CSNK2A2IP: variants seen among roughly 807,000 people sequenced by gnomAD.
CSNK2A2IP encodes the protein casein kinase II subunit alpha'-interacting protein.
At chr3:88,401,114 T>C in the CSNK2A2IP span, among the ~76,000 whole-genome samples, 3 of 152,216 alleles carry the variant, frequency 2.0e-5, no homozygotes, top group African/African-American at 7.2e-5. Context: ...ATATAATTTG[T>C]CTTCAAATAT....
chr3:88,465,726 G>A, the CSNK2A2IP span: 1 of 1,231,628 alleles, frequency 8.1e-7, no homozygotes, highest in Non-Finnish European at 1.0e-6. Context: ...CTCATTTGTT[G>A]CACTCCAAAG....
At chr3:88,374,243 A>G in the CSNK2A2IP span, among the ~76,000 whole-genome samples, 1 of 151,664 alleles carries the variant, frequency 6.6e-6, no homozygotes, top group Non-Finnish European at 1.5e-5. Flanking sequence ...CTAAGGACAT[A>G]TTTTGGAGGA....
chr3:88,430,406 T>C, the CSNK2A2IP span, among the ~76,000 whole-genome samples: 9 of 152,128 alleles, frequency 5.9e-5, no homozygotes, highest in Non-Finnish European at 2.9e-5. Flanking sequence ...TGAGCATTTA[T>C]ATATTTTCAT....
At chr3:88,434,986 C>T in the CSNK2A2IP span, among the ~76,000 whole-genome samples, 5 of 152,150 alleles carry the variant, frequency 3.3e-5, no homozygotes, top group Admixed American at 6.6e-5. Context: ...CCCCTGCCCC[C>T]GCAAAGGCTC....
At chr3:88,400,682 A>G in the CSNK2A2IP span, among the ~76,000 whole-genome samples, 1 of 152,202 alleles carries the variant, frequency 6.6e-6, no homozygotes, top group East Asian at 1.9e-4. Flanking sequence ...CAAACTAGGA[A>G]TTATAGGTGG....
At chr3:88,410,260 C>T in the CSNK2A2IP span, among the ~76,000 whole-genome samples, 1 of 151,972 alleles carries the variant, frequency 6.6e-6, no homozygotes, top group South Asian at 2.1e-4. Flanking sequence ...TGAAGATGAC[C>T]CACCTCCACA....
At chr3:88,442,857 T>C in the CSNK2A2IP span, among the ~76,000 whole-genome samples, 2 of 151,922 alleles carry the variant, frequency 1.3e-5, no homozygotes, top group East Asian at 3.8e-4. Context: ...TTATGTCCCT[T>C]AATATAAAGA....
the CSNK2A2IP span, among the ~76,000 whole-genome samples, chr3:88,345,935 C>A: frequency 1.3e-5 from 2 of 151,868 alleles, no homozygotes; most frequent in African/African-American, 4.8e-5. Context: ...CAGCAAACAG[C>A]CAACTGGAGA....
At chr3:88,451,305 T>C in the CSNK2A2IP span, among the ~76,000 whole-genome samples, 1 of 152,058 alleles carries the variant, frequency 6.6e-6, no homozygotes, top group African/African-American at 2.4e-5. Flanking sequence ...ATTATAGTGG[T>C]TTTAATTTGC....
At chr3:88,358,526 T>G in the CSNK2A2IP span, among the ~76,000 whole-genome samples, 1 of 118,484 alleles carries the variant, frequency 8.4e-6, no homozygotes, top group African/African-American at 2.6e-5. Flanking sequence ...TGTTGTGAGC[T>G]GTTTTTTTTT....
the CSNK2A2IP span, among the ~76,000 whole-genome samples, chr3:88,355,937 T>C: frequency 6.6e-6 from 1 of 152,150 alleles, no homozygotes; most frequent in South Asian, 2.1e-4. Flanking sequence ...CGATGCTCTT[T>C]AATTTTTTTA....
At chr3:88,402,798 G>T in the CSNK2A2IP span, among the ~76,000 whole-genome samples, 1 of 151,990 alleles carries the variant, frequency 6.6e-6, no homozygotes, top group African/African-American at 2.4e-5. Flanking sequence ...AGAATGTAAG[G>T]GGGATGATTG....
chr3:88,428,532 C>T, the CSNK2A2IP span, among the ~76,000 whole-genome samples: 309 of 152,158 alleles, frequency 2.0e-3, 1 homozygote, highest in African/African-American at 6.8e-3. Context: ...CCACATGTTG[C>T]GGGAGGGACT....
At chr3:88,406,165 A>G in the CSNK2A2IP span, among the ~76,000 whole-genome samples, 38 of 152,302 alleles carry the variant, frequency 2.5e-4, no homozygotes, top group Non-Finnish European at 3.7e-4. Flanking sequence ...TTCAAGATAT[A>G]AAAATGCTAA....
the CSNK2A2IP span, among the ~76,000 whole-genome samples, chr3:88,376,479 A>G: frequency 1.3e-5 from 2 of 151,688 alleles, no homozygotes; most frequent in African/African-American, 4.8e-5. Context: ...CTTTTCTTCT[A>G]AGAGAAAAAT....
the CSNK2A2IP span, among the ~76,000 whole-genome samples, chr3:88,437,689 TACTGTCATTAAGG>T: frequency 0.36 from 54,390 of 151,724 alleles, 10,948 homozygotes; most frequent in Non-Finnish European, 0.47. Context: ...GAAATTTAAT[TACTGTCATTAAGG>T]ACTGATTGTT....
At chr3:88,386,008 G>T in the CSNK2A2IP span, among the ~76,000 whole-genome samples, 1 of 152,196 alleles carries the variant, frequency 6.6e-6, no homozygotes, top group Non-Finnish European at 1.5e-5. Flanking sequence ...TGGAAAATAT[G>T]TGAAATATAA....
the CSNK2A2IP span, among the ~76,000 whole-genome samples, chr3:88,358,426 G>A: frequency 0.026 from 3,882 of 152,220 alleles, 102 homozygotes; most frequent in East Asian, 0.073. Context: ...TTAAACTAAA[G>A]GCTTTCTGTT....
At chr3:88,368,680 G>A in the CSNK2A2IP span, among the ~76,000 whole-genome samples, 1 of 151,970 alleles carries the variant, frequency 6.6e-6, no homozygotes, top group East Asian at 1.9e-4. Flanking sequence ...TTGTTTTCAG[G>A]ATTGTTTGAT....
Sources: allele counts gnomAD v4.1 joint callset (sites outside exome capture counted in the v4.1 genomes callset), GRCh38; gene constraint gnomAD v4.1.1; transcripts MANE v1.5; gene names NCBI Gene and HGNC (gene_info 2026-07-23, HGNC 2026-07-21).